AHNAK2: variants seen among roughly 807,000 people sequenced by gnomAD.
The protein encoded by AHNAK2 is AHNAK nucleoprotein 2.
In AHNAK2, 18 loss-of-function variants were observed where a neutral mutation model predicts 30.7. The observed-to-expected ratio is 0.59, with a 90% CI of 0.41 to 0.87. AHNAK2 has a LOEUF of 0.87. Among genes scored for constraint, AHNAK2 ranks in the 40% least tolerant of loss-of-function variants. The probability of loss-of-function intolerance (pLI) is 0.00; values close to 1 mark genes in which losing one functional copy is unlikely to be tolerated. For missense variants in AHNAK2, 8,604 were observed against 7,373.0 expected, an observed-to-expected ratio of 1.17 and a Z score of -6.11; for synonymous variants, 3,590 against 3,073.8, an observed-to-expected ratio of 1.17 and a Z score of -5.56.
At position 104,945,835 on chromosome 14, in the gene AHNAK2, G is replaced by C. The variant is rs1282931954; in HGVS notation, c.9616C>G (p.Gln3206Glu). The change falls in exon 7 of 7, where the codon CAG becomes GAG. Residue 3206 changes from glutamine (Q) to glutamate (E), a missense_variant. Gln to Glu is a conservative substitution (Grantham distance 29). Transcript: ENST00000333244. ...CCCTCTGGGAGCTTCACGTCCACCT[G>C]GCCAGCCTGGACCTCCAGTTGGGCA... ...PSAQLEVQAGQVDVKLPEGHV... is the reference protein window; with the variant it reads ...PSAQLEVQAGEVDVKLPEGHV... 2.8e-6 allele frequency: 4 copies of C among 1,435,436 alleles called. 1 individual carries two copies. In the South Asian group the frequency reaches 4.9e-5, roughly 18 times the overall value. The allele number at this position is 1,435,436 out of a possible 1,614,324, so 88.9% of individuals were successfully genotyped here. A position where few individuals can be genotyped will look rare whatever the true frequency, so the allele number is the denominator to read the frequency against.
chr14:104,953,302 C>T lies in AHNAK2; in HGVS notation c.2149G>A (p.Asp717Asn). Residue 717 changes from aspartate to asparagine, a missense_variant, in exon 7 of 7, where the codon GAC (aspartate) becomes AAC (asparagine). By Grantham distance (23) the Asp-to-Asn change is conservative (BLOSUM62 1). Transcript: ENST00000333244. ...ADVSLLSMQG[D>N]LKTTDLSVQT... ...ACGCTGAGGTCAGTGGTCTTGAGGT[C>T]CCCCTGCATGGAGAGGAGGCTCACG... 1 of 1,613,088 alleles carries T rather than the reference C, an allele frequency of 6.2e-7. No homozygotes were observed. The highest frequency in any genetic ancestry group is 8.5e-7 in the Non-Finnish European group (1 of 1,179,732).
chr14:104,944,583 T>C lies in AHNAK2; in HGVS notation c.10868A>G (p.Asp3623Gly), dbSNP rs753431314. The change falls in exon 7 of 7, where the codon GAC (aspartate) becomes GGC (glycine). Residue 3623 changes from aspartate to glycine, a missense_variant. Physicochemically the swap from Asp to Gly is moderately conservative, Grantham distance 94. Transcript: ENST00000333244. ...AKLDAGRLEG[D>G]LSLADKDVTA... ...CACGTCCTTGTCAGCCAGGGACAGG[T>C]CTCCCTCCAGCCGCCCAGCATCCAG... 6.2e-7 allele frequency: 1 copy of C among 1,612,810 alleles called. No individual in the cohort carries two copies. Among genetic ancestry groups the C allele is most frequent in the South Asian group, 1.1e-5 (1 of 91,042 alleles).
chr14:104,944,655 A>G lies in AHNAK2; in HGVS notation c.10796T>C (p.Val3599Ala). The G allele has an allele frequency of 6.2e-7, 1 of 1,612,950 alleles. No homozygotes were observed. Among genetic ancestry groups the G allele is most frequent in the Non-Finnish European group, 8.5e-7 (1 of 1,179,626 alleles). ...ATCCACCTCCACGCTGGGCAGAGACACCTCGACATCGGGGACTCTCACTTC... is the reference window on the plus strand; with the variant it reads ...ATCCACCTCCACGCTGGGCAGAGACGCCTCGACATCGGGGACTCTCACTTC... ...KAEVRVPDVE[V>A]SLPSVEVDVQ... Residue 3599 changes from valine to alanine, a missense_variant, in exon 7 of 7, where the codon GTG (valine) becomes GCG (alanine). Val to Ala is a moderately conservative substitution (Grantham distance 64, BLOSUM62 0). Coordinates refer to ENST00000333244, the MANE Select transcript of AHNAK2 (RefSeq NM_138420.4).
intron 1 of AHNAK2, among the ~76,000 whole-genome samples, chr14:104,961,321 T>C (rs1194579350): frequency 2.6e-5 from 4 of 151,782 alleles, no homozygotes; most frequent in East Asian, 2.0e-4. Context: ...AAAACCATCC[T>C]GGCTAACACA....
rs373797895 is a variant in AHNAK2 at position 104,945,620 on chromosome 14, G to T, written c.9831C>A (p.Asp3277Glu). The T allele has an allele frequency of 1.3e-6, 2 of 1,524,198 alleles. No homozygotes were observed. The highest frequency in any genetic ancestry group is 1.8e-6 in the Non-Finnish European group (2 of 1,120,722). The allele number at this position is 1,524,198 out of a possible 1,614,324, so 94.4% of individuals were successfully genotyped here. Residue 3277 changes from aspartate to glutamate, a missense_variant, in exon 7 of 7, where the codon GAC (aspartate) becomes GAA (glutamate). Transcript: ENST00000333244. ...VEVSQPSMEV[D>E]VEAPGAKLDG... ...CCAACTTGGCTCCTGGGGCCTCGAC[G>T]TCCACCTCCATGCTGGGCTGAGACA...
At position 104,952,158 on chromosome 14, in the gene AHNAK2, C is replaced by T; in HGVS notation, c.3293G>A (p.Gly1098Asp). 2 of 1,612,406 alleles carry T rather than the reference C, an allele frequency of 1.2e-6. No homozygotes were observed. Among genetic ancestry groups the T allele is most frequent in the South Asian group, 1.1e-5 (1 of 90,984 alleles). ...SFKMPKVALKGPQVDVKGPKL... is the reference protein window; with the variant it reads ...SFKMPKVALKDPQVDVKGPKL... ...GGGGCCCTTGACGTCCACCTGGGGG[C>T]CCTTGAGGGCCACTTTGGGCATCTT... Residue 1098 changes from glycine to aspartate, a missense_variant, in exon 7 of 7, where the codon GGC (glycine) becomes GAC (aspartate). Transcript: ENST00000333244.
At chr14:104,973,870 G>C (rs1186974562) in intron 1 of AHNAK2, among the ~76,000 whole-genome samples, 1 of 152,236 alleles carries the variant, frequency 6.6e-6, no homozygotes, top group Non-Finnish European at 1.5e-5. Context: ...AGAGCTGGCA[G>C]GGCAGGGACC....
Position 104,942,001 on chromosome 14 carries a change from C to T in AHNAK2, c.13450G>A (p.Val4484Ile). The T allele has an allele frequency of 6.2e-7, 1 of 1,613,534 alleles. No homozygotes were observed. The highest frequency in any genetic ancestry group is 8.5e-7 in the Non-Finnish European group (1 of 1,179,744). ...GMLSPGKSIE[V>I]SVDVSAPKME... ...TTTGGCGCAGACACATCCACCGAGA[C>T]CTCGATGGACTTGCCTGGGGACAAC... The change falls in exon 7 of 7, where the codon GTC becomes ATC. Residue 4484 changes from valine (V) to isoleucine (I), a missense_variant. Coordinates refer to ENST00000333244, the MANE Select transcript of AHNAK2 (RefSeq NM_138420.4).
intron 1 of AHNAK2, among the ~76,000 whole-genome samples, chr14:104,977,412 C>T (rs770828283): frequency 5.9e-5 from 9 of 152,160 alleles, no homozygotes; most frequent in Non-Finnish European, 1.3e-4. Context: ...GTACACATGC[C>T]GTAGCCTGCG....
chr14:104,944,100 T>A lies in AHNAK2; in HGVS notation c.11351A>T (p.Gln3784Leu). The A allele has an allele frequency of 1.2e-6, 2 of 1,611,852 alleles. No individual in the cohort carries two copies. Among genetic ancestry groups the A allele is most frequent in the South Asian group, 1.1e-5 (1 of 90,950 alleles). ...QAPRAKLDSA[Q>L]LEGDLSLADK... The stretch of plus-strand genomic sequence containing the variant: ...GGCCAGGGACAGGTCCCCCTCCAGC[T>A]GTGCACTATCCAGTTTGGCTCTTGG... The change falls in exon 7 of 7, where the codon CAG (glutamine) becomes CTG (leucine). Residue 3784 changes from glutamine to leucine, a missense_variant. Gln to Leu is a moderately radical substitution (Grantham distance 113). Coordinates refer to ENST00000333244, the MANE Select transcript of AHNAK2 (RefSeq NM_138420.4).
In AHNAK2 at chr14:104,946,382, G is replaced by T. The variant is rs774183723; in HGVS notation, c.9069C>A (p.Thr3023=). 6.2e-6 allele frequency: 10 copies of T among 1,612,334 alleles called. No homozygotes were observed. In the African/African-American group the frequency reaches 8.1e-5, roughly 13 times the overall value. ...AGGGGGGCTCAATGCTGATGTCAGT[G>T]GTCTTCAGGTCCCCCTGCATGGAGG... The part of the protein sequence containing the change: ...SLPSMQGDLK[T]TDISIEPPSA... The change falls in exon 7 of 7, where the codon ACC becomes ACA. Residue 3023 remains threonine, a synonymous_variant. Coordinates refer to ENST00000333244, the MANE Select transcript of AHNAK2 (RefSeq NM_138420.4).
chr14:104,938,852 T>G lies in AHNAK2; in HGVS notation c.16599A>C (p.Arg5533Ser). 1 of 1,613,894 alleles carries G rather than the reference T, an allele frequency of 6.2e-7. No individual in the cohort carries two copies. Residue 5533 changes from arginine (R) to serine (S), a missense_variant, in exon 7 of 7, where the codon AGA (arginine) becomes AGC (serine). Coordinates refer to ENST00000333244, the MANE Select transcript of AHNAK2 (RefSeq NM_138420.4). ...AGTGTTGAGTCATTGTTGTGTACAC[T>G]CTAGCCTGCGTGTGGGGCTCTGGGA... ...VKIPEPHTQA[R>S]VYTTMTQHSR... is the part of the protein sequence containing the mutation.
At chr14:104,975,241 C>T (rs188573342) in intron 1 of AHNAK2, among the ~76,000 whole-genome samples, 21 of 152,296 alleles carry the variant, frequency 1.4e-4, no homozygotes, top group African/African-American at 4.3e-4. Flanking sequence ...GGAGGCTCTG[C>T]GGGCTTGACC....
In AHNAK2 at chr14:104,954,652, T is replaced by C; in HGVS notation, c.799A>G (p.Ile267Val). The change falls in exon 7 of 7, where the codon ATA (isoleucine) becomes GTA (valine). Residue 267 changes from isoleucine (I) to valine (V), a missense_variant. Physicochemically the swap from Ile to Val is conservative, Grantham distance 29. Transcript: ENST00000333244. This position sits in a 1 kb window ranked among gnomAD's most constrained non-coding sequence, Gnocchi z 4.3. Reference sequence around the variant, plus strand: ...GGTCCCGGCCCCCGCTTGCTCTTTATGGATTGAAATTTTGGCCAAGAGAGC... The same window carrying C: ...GGTCCCGGCCCCCGCTTGCTCTTTACGGATTGAAATTTTGGCCAAGAGAGC... ...ERLSWPKFQS[I>V]KSKRGPGPQR... 9.3e-6 allele frequency: 15 copies of C among 1,613,038 alleles called. No homozygotes were observed. The highest frequency in any genetic ancestry group is 1.3e-5 in the Non-Finnish European group (15 of 1,179,752).
intron 1 of AHNAK2, among the ~76,000 whole-genome samples, chr14:104,977,455 G>T (rs1448049895): frequency 6.6e-6 from 1 of 152,192 alleles, no homozygotes; most frequent in Non-Finnish European, 1.5e-5. Context: ...ATCCCTGGGG[G>T]CATGCCAGTA....
Position 104,951,807 on chromosome 14 carries a change from G to A in AHNAK2, c.3644C>T (p.Pro1215Leu), listed in dbSNP as rs745455355. 1.0e-5 allele frequency: 14 copies of A among 1,362,962 alleles called. 3 individuals carry two copies. Among genetic ancestry groups the A allele is most frequent in the African/African-American group, 5.6e-5 (4 of 71,974 alleles). 84.4% of individuals were successfully genotyped at this position (1,362,962 alleles called of 1,614,324 possible). Residue 1215 changes from proline to leucine, a missense_variant, in exon 7 of 7, where the codon CCC becomes CTC. Coordinates refer to ENST00000333244, the MANE Select transcript of AHNAK2 (RefSeq NM_138420.4). ...DLKTTDLSIQ[P>L]PSADLEVHAG... The stretch of plus-strand genomic sequence containing the variant: ...GTGGACCTCCAGGTCAGCGGAAGGG[G>A]GCTGAATGCTGAGGTCAGTGGTCTT...
chr14:104,977,862 G>C (rs896556247), intron 1 of AHNAK2, among the ~76,000 whole-genome samples: 1 of 152,218 alleles, frequency 6.6e-6, no homozygotes, highest in Non-Finnish European at 1.5e-5. Flanking sequence ...GAGAAGGAGA[G>C]ACAGACAGGG....
intron 4 of AHNAK2, 113 bp downstream of exon 4, chr14:104,956,475 G>A: frequency 1.2e-5 from 13 of 1,068,160 alleles, no homozygotes; most frequent in Non-Finnish European, 1.8e-5. Flanking sequence ...CAGGGCACGG[G>A]GCACACTGCC....
At chr14:104,969,311 C>T (rs895904563) in intron 1 of AHNAK2, among the ~76,000 whole-genome samples, 1 of 152,228 alleles carries the variant, frequency 6.6e-6, no homozygotes, top group Non-Finnish European at 1.5e-5. Context: ...TCCCTGGTGC[C>T]ATCCATCGGT....
Sources: gnomAD v4.1 joint callset for allele counts (sites outside exome capture counted in the v4.1 genomes callset) on GRCh38, gnomAD v4.1.1 for gene constraint, Gnocchi (gnomAD v3.1) non-coding constraint, MANE v1.5 for transcripts, NCBI Gene and HGNC (gene_info 2026-07-23, HGNC 2026-07-21) for gene names.